The following FRMD3 variants were observed in gnomAD, a reference collection of about 807,000 sequenced individuals.
FRMD3 encodes the protein FERM domain-containing protein 3.
A neutral mutation model predicts 70.2 loss-of-function variants in FRMD3; 33 were observed. That is an observed-to-expected ratio of 0.47 (90% confidence interval 0.36 to 0.63). The LOEUF (loss-of-function observed/expected upper bound fraction) is 0.63. Ranked by LOEUF, FRMD3 falls within the 20% of genes least tolerant of loss-of-function variation. The pLI is 0.00. For missense variants in FRMD3, 632 were observed against 711.4 expected (o/e 0.89, Z 1.27); for synonymous variants, 279 against 255.9 (o/e 1.09, Z -0.86).
chr9:83,565,604 C>T, the FRMD3 span, among the ~76,000 whole-genome samples: 5 of 152,186 alleles, frequency 3.3e-5, no homozygotes, highest in South Asian at 2.1e-4. Context: ...CTGCCCGTAG[C>T]GCCCTGTCAA....
the FRMD3 span, among the ~76,000 whole-genome samples, chr9:83,551,786 G>A: frequency 8.6e-5 from 13 of 151,972 alleles, no homozygotes; most frequent in Non-Finnish European, 1.9e-4. Flanking sequence ...TAGTTTCTGA[G>A]GGTTGTTTTT....
chr9:83,455,378 G>C (rs1318800985), intron 1 of FRMD3, among the ~76,000 whole-genome samples: 2 of 152,200 alleles, frequency 1.3e-5, no homozygotes, highest in African/African-American at 4.8e-5. Context: ...TACCCAGGGG[G>C]AGGTAATTGA....
chr9:83,531,971 T>C (rs1268284521), intron 1 of FRMD3, among the ~76,000 whole-genome samples: 1 of 152,180 alleles, frequency 6.6e-6, no homozygotes. Flanking sequence ...CTTAAAGTCA[T>C]TTGATTCTAA....
At chr9:83,512,941 G>T (rs1829371175) in intron 1 of FRMD3, among the ~76,000 whole-genome samples, 1 of 152,180 alleles carries the variant, frequency 6.6e-6, no homozygotes. Context: ...ATGGATCCCA[G>T]TCACACTGTG....
chr9:83,416,474 TGTCTCTCCCACTAGAACAAAGACTC>T (rs1439688898), intron 1 of FRMD3, among the ~76,000 whole-genome samples: 2 of 152,272 alleles, frequency 1.3e-5, no homozygotes, highest in Non-Finnish European at 2.9e-5. Flanking sequence ...ATTTGCCTAT[TGTCTCTCCCACTAGAACAAAGACTC>T]ATGTGAACAG....
intron 2 of FRMD3, among the ~76,000 whole-genome samples, chr9:83,385,150 T>C (rs1825475502): frequency 6.6e-6 from 1 of 151,058 alleles, no homozygotes; most frequent in African/African-American, 2.4e-5. Flanking sequence ...GTTACCCAAA[T>C]ACCTGAGCAG....
upstream of FRMD3, among the ~76,000 whole-genome samples, chr9:83,541,413 T>C (rs1289349260): frequency 6.6e-6 from 1 of 152,214 alleles, no homozygotes; most frequent in African/African-American, 2.4e-5. Context: ...CCCTGGTACA[T>C]GTACAGGAAA....
At chr9:83,404,310 T>G (rs1456466382) in intron 1 of FRMD3, among the ~76,000 whole-genome samples, 1 of 152,230 alleles carries the variant, frequency 6.6e-6, no homozygotes, top group African/African-American at 2.4e-5. Flanking sequence ...AAGATTGATG[T>G]GAATTTTAAT....
intron 1 of FRMD3, among the ~76,000 whole-genome samples, chr9:83,514,910 T>C (rs1474686173): frequency 1.3e-5 from 2 of 151,806 alleles, no homozygotes; most frequent in African/African-American, 4.8e-5. Flanking sequence ...CAGAAAGCAA[T>C]AGCATCAACA....
intron 1 of FRMD3, among the ~76,000 whole-genome samples, chr9:83,396,173 G>A (rs1825806791): frequency 6.6e-6 from 1 of 152,166 alleles, no homozygotes; most frequent in Non-Finnish European, 1.5e-5. Flanking sequence ...TGGCCTATGT[G>A]TCCCCATTCT....
chr9:83,470,691 T>C (rs950288716), intron 1 of FRMD3, among the ~76,000 whole-genome samples: 1 of 152,228 alleles, frequency 6.6e-6, no homozygotes, highest in Non-Finnish European at 1.5e-5. Flanking sequence ...GATTCATGAA[T>C]AGAATACACA....
rs533256173 is a variant in FRMD3 at position 83,372,302 on chromosome 9, G to A, written c.295+611C>T. On this transcript the variant is annotated intron_variant, in intron 3 of 13. Coordinates refer to ENST00000304195, the MANE Select transcript of FRMD3 (RefSeq NM_174938.6). ...AGGGTCCCAGGTGGATGACCAGGGG[G>A]TGCTAGAGAGATGTTGTTATCCAAG... Among the ~76,000 whole-genome samples, 57 of 151,848 alleles carry A rather than the reference G, an allele frequency of 3.8e-4. 1 individual carries two copies. Among genetic ancestry groups the A allele is most frequent in the African/African-American group, 1.3e-3 (55 of 41,396 alleles).
At chr9:83,308,561 C>T (rs980831882) in intron 10 of FRMD3, among the ~76,000 whole-genome samples, 115 of 152,118 alleles carry the variant, frequency 7.6e-4, no homozygotes, top group African/African-American at 2.6e-3. Context: ...TGCTGATGGC[C>T]TGAGCAGGGC....
At chr9:83,290,500 C>T in intron 13 of FRMD3, 103 bp downstream of exon 13, 5 of 1,321,542 alleles carry the variant, frequency 3.8e-6, no homozygotes, top group Non-Finnish European at 5.4e-6. Context: ...CACTCCACCC[C>T]ATACACTAAT....
At chr9:83,475,800 C>T (rs1828382553) in intron 1 of FRMD3, among the ~76,000 whole-genome samples, 1 of 152,152 alleles carries the variant, frequency 6.6e-6, no homozygotes. Context: ...ACTCTCTGGA[C>T]ACTCTACAAG....
At chr9:83,548,850 A>C in the FRMD3 span, among the ~76,000 whole-genome samples, 1 of 152,156 alleles carries the variant, frequency 6.6e-6, no homozygotes, top group South Asian at 2.1e-4. Flanking sequence ...CTCTTTGTAC[A>C]TTCTGCACAA....
At chr9:83,466,508 T>C (rs187592882) in intron 1 of FRMD3, among the ~76,000 whole-genome samples, 1 of 152,296 alleles carries the variant, frequency 6.6e-6, no homozygotes. Context: ...AATCTCAGTA[T>C]GTTCATCAGG....
chr9:83,266,941 C>A (rs1833285219), intron 13 of FRMD3: 1 of 1,470,848 alleles, frequency 6.8e-7, no homozygotes, highest in Non-Finnish European at 9.2e-7. Context: ...CTCTCTCCAC[C>A]AGCAGTGAGC....
intron 6 of FRMD3, among the ~76,000 whole-genome samples, chr9:83,321,015 G>T (rs1835780665): frequency 6.6e-6 from 1 of 152,060 alleles, no homozygotes; most frequent in Non-Finnish European, 1.5e-5. Flanking sequence ...TTGTATTTCT[G>T]TGGTATCAGT....
Sources: allele counts gnomAD v4.1 joint callset (sites outside exome capture counted in the v4.1 genomes callset), GRCh38; gene constraint gnomAD v4.1.1; transcripts MANE v1.5; gene names NCBI Gene and HGNC (gene_info 2026-07-23, HGNC 2026-07-21).